The following DDX46 variants were observed in gnomAD, a reference collection of about 807,000 sequenced individuals.
DDX46 encodes probable ATP-dependent RNA helicase DDX46.
DDX46 carries 30 observed loss-of-function variants against 134.9 expected under a neutral mutation model. The observed-to-expected ratio is 0.22, with a 90% CI of 0.17 to 0.30. The LOEUF (loss-of-function observed/expected upper bound fraction) is 0.30. Among genes scored for constraint, DDX46 ranks in the 10% least tolerant of loss-of-function variants. The pLI is 1.00. For missense variants in DDX46, 622 were observed against 1,248.7 expected (o/e 0.50, Z 7.56); for synonymous variants, 415 against 404.1 (o/e 1.03, Z -0.32).
Position 134,790,555 on chromosome 5 carries a change from A to G in DDX46, c.1626+3A>G, listed in dbSNP as rs775516918. On this transcript the variant is annotated splice_donor_region_variant and intron_variant, in intron 13 of 22. Coordinates refer to ENST00000452510, the MANE Select transcript of DDX46 (RefSeq NM_001300860.2). ...TTGACATGGGTTTTGAACCCCAGGT[A>G]ATCATTAAATTTCTTAAGTGTTTTG... 3.7e-6 allele frequency: 6 copies of G among 1,607,898 alleles called. No individual in the cohort carries two copies. Among genetic ancestry groups the G allele is most frequent in the Non-Finnish European group, 4.2e-6 (5 of 1,177,098 alleles).
intron 11 of DDX46, 140 bp downstream of exon 11, chr5:134,785,726 T>G: frequency 2.1e-6 from 2 of 968,384 alleles, no homozygotes; most frequent in Non-Finnish European, 2.9e-6. Flanking sequence ...ATAAAAATAA[T>G]AGTAAGAATT....
chr5:134,775,330 G>GAGATTGT lies in DDX46; in HGVS notation c.613+1473_613+1479dup, dbSNP rs1156508285. Among the ~76,000 whole-genome samples, 3 of 152,310 alleles carry GAGATTGT rather than the reference G, an allele frequency of 2.0e-5. No individual in the cohort carries two copies. In the East Asian group the frequency reaches 5.8e-4, roughly 29 times the overall value. ...GACTTTCGAGATTTTAGTAAAGTAGGAGATTGTAGAATTTTATAGGAAAAT... is the reference window on the plus strand; with the variant it reads ...GACTTTCGAGATTTTAGTAAAGTAGGAGATTGTAGATTGTAGAATTTTATAGGAAAAT... On this transcript the variant is annotated intron_variant, in intron 5 of 22. Coordinates refer to ENST00000452510, the MANE Select transcript of DDX46 (RefSeq NM_001300860.2).
chr5:134,813,710 T>A (rs57550824), intron 18 of DDX46, among the ~76,000 whole-genome samples: 9,575 of 152,134 alleles, frequency 0.063, 654 homozygotes, highest in African/African-American at 0.18. Flanking sequence ...AACTCACTGC[T>A]GCCTCAGCGA....
intron 11 of DDX46, among the ~76,000 whole-genome samples, chr5:134,786,139 G>T (rs895464373): frequency 1.3e-5 from 2 of 152,048 alleles, no homozygotes; most frequent in African/African-American, 2.4e-5. Flanking sequence ...GTGAGCCACC[G>T]TGCCTGACCA....
intron 13 of DDX46, among the ~76,000 whole-genome samples, chr5:134,794,592 C>A (rs1453063423): frequency 6.6e-6 from 1 of 151,962 alleles, no homozygotes; most frequent in Non-Finnish European, 1.5e-5. Context: ...TGGTTGTATC[C>A]TAGATATAAT....
At chr5:134,801,006 G>A (rs1205092291) in intron 15 of DDX46, among the ~76,000 whole-genome samples, 2 of 152,082 alleles carry the variant, frequency 1.3e-5, no homozygotes, top group South Asian at 4.1e-4. Flanking sequence ...TTTGTAGGCC[G>A]GGTGCAGTGA....
chr5:134,808,930 TATA>T (rs144183082), intron 16 of DDX46, among the ~76,000 whole-genome samples: 1,826 of 152,376 alleles, frequency 0.012, 35 homozygotes, highest in African/African-American at 0.042. Context: ...GTTTTACATA[TATA>T]ATGTTATTTT....
intron 13 of DDX46, 55 bp from the exon 14 acceptor site, chr5:134,794,795 T>C (rs1222962794): frequency 6.3e-7 from 1 of 1,591,552 alleles, no homozygotes. Context: ...TAACATTGCA[T>C]AAGCTTTGAA....
At chr5:134,774,472 C>G (rs1026146293) in intron 5 of DDX46, among the ~76,000 whole-genome samples, 1 of 152,020 alleles carries the variant, frequency 6.6e-6, no homozygotes, top group Non-Finnish European at 1.5e-5. Context: ...GAACTATATA[C>G]CCAGAAGTGG....
At chr5:134,768,149 G>T (rs1399093262) in intron 3 of DDX46, among the ~76,000 whole-genome samples, 3 of 149,838 alleles carry the variant, frequency 2.0e-5, no homozygotes, top group African/African-American at 7.4e-5. Flanking sequence ...TCGTTCTGTT[G>T]CCCTGGCTGG....
At chr5:134,793,913 C>T (rs2150147776) in intron 13 of DDX46, among the ~76,000 whole-genome samples, 1 of 152,152 alleles carries the variant, frequency 6.6e-6, no homozygotes, top group South Asian at 2.1e-4. Flanking sequence ...TGTGTGGTTA[C>T]TTTGTAATTT....
At chr5:134,819,286 A>G (rs541817901) in intron 21 of DDX46, among the ~76,000 whole-genome samples, 1 of 152,320 alleles carries the variant, frequency 6.6e-6, no homozygotes, top group South Asian at 2.1e-4. Flanking sequence ...TGCTTCTAGT[A>G]AGTGGAATAT....
At chr5:134,797,178 AAAAAAAAAAAAAAAAAAAACAC>A (rs1283584682) in intron 15 of DDX46, 1 of 284,748 alleles carries the variant, frequency 3.5e-6, no homozygotes, top group African/African-American at 2.4e-5. Context: ...AAAAAAAAAA[AAAAAAAAAAAAAAAAAAAACAC>A]AAAACACATG....
intron 21 of DDX46, among the ~76,000 whole-genome samples, chr5:134,820,465 C>T (rs1439283409): frequency 2.0e-5 from 3 of 152,056 alleles, no homozygotes; most frequent in African/African-American, 7.2e-5. Flanking sequence ...AGGTTTCACG[C>T]GATTCTTGTG....
In DDX46 at chr5:134,811,839, A is replaced by T. The variant is rs368229542; in HGVS notation, c.2430A>T (p.Ala810=). ...AAGATTCAGATGATGAGGATGCTGCAGTTGATGTAAGTACTATTATTCTCT... is the reference window on the plus strand; with the variant it reads ...AAGATTCAGATGATGAGGATGCTGCTGTTGATGTAAGTACTATTATTCTCT... The part of the protein sequence containing the change: ...GLQDSDDEDA[A]VDIDEQIESM... The change falls in exon 18 of 23, where the codon GCA becomes GCT. Residue 810 remains alanine, a synonymous_variant. Transcript: ENST00000452510. The T allele has an allele frequency of 1.2e-6, 2 of 1,608,104 alleles. No individual in the cohort carries two copies. The highest frequency in any genetic ancestry group is 1.7e-6 in the Non-Finnish European group (2 of 1,178,666).
At chr5:134,783,686 A>T (rs565472666) in intron 9 of DDX46, among the ~76,000 whole-genome samples, 59 of 145,512 alleles carry the variant, frequency 4.1e-4, no homozygotes, top group Non-Finnish European at 7.6e-4. Flanking sequence ...AGTAGGTGGG[A>T]TTACAGGCAT....
chr5:134,763,217 A>G (rs1176107942), intron 1 of DDX46, among the ~76,000 whole-genome samples: 2 of 152,122 alleles, frequency 1.3e-5, no homozygotes, highest in Admixed American at 6.6e-5. Context: ...TGGATAATAG[A>G]GTGAGGCCTG....
intron 15 of DDX46, among the ~76,000 whole-genome samples, chr5:134,800,034 A>C (rs2150150986): frequency 6.6e-6 from 1 of 151,524 alleles, no homozygotes; most frequent in African/African-American, 2.4e-5. Flanking sequence ...TGCAACCTCC[A>C]CCTCCCAGGT....
chr5:134,819,824 T>C (rs1755392694), intron 21 of DDX46, among the ~76,000 whole-genome samples: 1 of 151,790 alleles, frequency 6.6e-6, no homozygotes, highest in South Asian at 2.1e-4. Flanking sequence ...CATGAGCCAA[T>C]GTGCCCAGCC....
Sources: allele counts gnomAD v4.1 joint callset (sites outside exome capture counted in the v4.1 genomes callset), GRCh38; gene constraint gnomAD v4.1.1; transcripts MANE v1.5; gene names NCBI Gene and HGNC (gene_info 2026-07-23, HGNC 2026-07-21).